ERC1: variants seen among roughly 807,000 people sequenced by gnomAD.
ERC1 encodes the protein RAB6 interacting protein 2.
ERC1 carries 56 observed loss-of-function variants against 132.0 expected under a neutral mutation model. The observed-to-expected ratio is 0.42, with a 90% confidence interval of 0.34 to 0.53. The LOEUF (loss-of-function observed/expected upper bound fraction) is 0.53, where lower values mean the gene tolerates loss of function less well. ERC1 is among the 20% of genes least tolerant of loss of function. ERC1 has a pLI of 0.03. For missense variants in ERC1, 1,202 were observed against 1,349.9 expected, an observed-to-expected ratio of 0.89 and a Z score of 1.72; for synonymous variants, 478 against 476.1, an observed-to-expected ratio of 1.00 and a Z score of -0.05.
chr12:1,074,385 C>G (rs997272666), intron 2 of ERC1, among the ~76,000 whole-genome samples: 9 of 152,044 alleles, frequency 5.9e-5, no homozygotes, highest in African/African-American at 2.2e-4. Context: ...TTGGCATCCT[C>G]CAACTCCTGG....
At chr12:1,263,194 T>C (rs763820826) in intron 14 of ERC1, 29 bp downstream of exon 14, 21 of 1,610,474 alleles carry the variant, frequency 1.3e-5, no homozygotes, top group Non-Finnish European at 1.7e-5. Flanking sequence ...TTCCAAGCAA[T>C]GCTGCTGGTT....
chr12:1,133,885 G>A (rs958945706), intron 7 of ERC1, among the ~76,000 whole-genome samples: 4 of 152,130 alleles, frequency 2.6e-5, no homozygotes, highest in South Asian at 2.1e-4. Context: ...GATTCCATAT[G>A]TAAGTGAGAT....
At chr12:1,196,838 C>CTCTCTCTCTCTCTG (rs1555299913) in intron 12 of ERC1, among the ~76,000 whole-genome samples, 4 of 99,400 alleles carry the variant, frequency 4.0e-5, no homozygotes, top group Admixed American at 9.5e-5. Context: ...CTCTGTCTGT[C>CTCTCTCTCTCTCTG]TCTCTGTCTG....
At chr12:1,112,133 A>G (rs1054024970) in intron 5 of ERC1, 82 bp from the exon 6 acceptor site, 30 of 848,048 alleles carry the variant, frequency 3.5e-5, no homozygotes, top group African/African-American at 8.5e-5. Flanking sequence ...TGTTATTTCT[A>G]GTTACCATTC....
intron 17 of ERC1, among the ~76,000 whole-genome samples, chr12:1,408,489 G>A (rs1426958151): frequency 6.6e-6 from 1 of 152,170 alleles, no homozygotes; most frequent in African/African-American, 2.4e-5. Flanking sequence ...CTTGAATTGG[G>A]TTGAGAAAAA....
chr12:1,450,023 T>C (rs1038309244), intron 18 of ERC1, among the ~76,000 whole-genome samples: 24 of 152,206 alleles, frequency 1.6e-4, no homozygotes, highest in African/African-American at 5.3e-4. Flanking sequence ...AGTATTGGAA[T>C]CTGCCAATAG....
intron 2 of ERC1, among the ~76,000 whole-genome samples, chr12:1,082,095 C>A (rs1285351465): frequency 6.6e-6 from 1 of 151,450 alleles, no homozygotes; most frequent in African/African-American, 2.4e-5. Flanking sequence ...GTGGTGTGAT[C>A]TTGGCTTACT....
chr12:1,420,341 C>G (rs2092371815), intron 17 of ERC1, among the ~76,000 whole-genome samples: 1 of 152,116 alleles, frequency 6.6e-6, no homozygotes, highest in Admixed American at 6.6e-5. Flanking sequence ...CAGAAAAATA[C>G]TCTGAACCAG....
Position 1,170,202 on chromosome 12 carries a change from T to C in ERC1, c.1738-10338T>C, listed in dbSNP as rs561858412. On this transcript the variant is annotated intron_variant, in intron 8 of 18. Coordinates refer to ENST00000360905, the MANE Select transcript of ERC1 (RefSeq NM_178040.4). The stretch of plus-strand genomic sequence containing the variant: ...TATAATAAACAAGTTTTTGTATCCT[T>C]AATTCTCAAGAATATGAATTGTAAT... Among the ~76,000 whole-genome samples, 8 of 152,342 alleles carry C rather than the reference T, an allele frequency of 5.3e-5. No individual in the cohort carries two copies. In the East Asian group the frequency reaches 1.5e-3, roughly 29 times the overall value.
At chr12:1,185,511 CT>C (rs62660960) in intron 11 of ERC1, among the ~76,000 whole-genome samples, 61,794 of 150,630 alleles carry the variant, frequency 0.41, 14,569 homozygotes, top group African/African-American at 0.65. Flanking sequence ...ACTTTTCTTT[CT>C]TTCTTTTCTC....
chr12:1,337,597 T>A (rs2083423205), intron 15 of ERC1, among the ~76,000 whole-genome samples: 1 of 152,210 alleles, frequency 6.6e-6, no homozygotes, highest in African/African-American at 2.4e-5. Flanking sequence ...GTTAGCTGGT[T>A]ATTATGCAGA....
At chr12:1,400,887 T>C (rs2090961806) in intron 16 of ERC1, among the ~76,000 whole-genome samples, 1 of 149,954 alleles carries the variant, frequency 6.7e-6, no homozygotes, top group African/African-American at 2.4e-5. Flanking sequence ...TTTATTCTTC[T>C]CATTCAATAT....
At chr12:1,405,010 T>A (rs1431442672) in intron 16 of ERC1, among the ~76,000 whole-genome samples, 1 of 151,040 alleles carries the variant, frequency 6.6e-6, no homozygotes, top group East Asian at 1.9e-4. Flanking sequence ...CGTGGTGGTG[T>A]GTGCCTCTAA....
intron 15 of ERC1, among the ~76,000 whole-genome samples, chr12:1,320,541 C>T (rs1202829128): frequency 6.6e-6 from 1 of 152,138 alleles, no homozygotes. Context: ...ACATTCAATG[C>T]TACAGAATTT....
intron 2 of ERC1, among the ~76,000 whole-genome samples, chr12:1,030,272 A>G (rs1967764869): frequency 1.3e-5 from 2 of 152,252 alleles, no homozygotes; most frequent in South Asian, 2.1e-4. Flanking sequence ...TTATAAAGAA[A>G]GCAACTGATA....
intron 16 of ERC1, among the ~76,000 whole-genome samples, chr12:1,373,679 C>G (rs2087522898): frequency 6.6e-6 from 1 of 152,124 alleles, no homozygotes; most frequent in South Asian, 2.1e-4. Context: ...ACTTGGGAGG[C>G]TGAGGCAGGA....
intron 18 of ERC1, among the ~76,000 whole-genome samples, chr12:1,476,548 G>A (rs946513200): frequency 6.6e-5 from 10 of 152,180 alleles, no homozygotes; most frequent in Non-Finnish European, 1.3e-4. Context: ...CCCAGTTTTT[G>A]GCTTCACTAC....
chr12:1,154,209 G>GTGTGTATGTGTA (rs1404666204), intron 8 of ERC1, among the ~76,000 whole-genome samples: 1 of 113,296 alleles, frequency 8.8e-6, no homozygotes, highest in African/African-American at 3.1e-5. Flanking sequence ...CATGGTGTGT[G>GTGTGTATGTGTA]TGTGTATGTA....
At chr12:1,066,667 T>C (rs571245565) in intron 2 of ERC1, among the ~76,000 whole-genome samples, 3 of 152,154 alleles carry the variant, frequency 2.0e-5, no homozygotes, top group African/African-American at 7.2e-5. Context: ...TGAAACCTCA[T>C]CTCTACTAAA....
Sources: gnomAD v4.1 joint callset for allele counts (sites outside exome capture counted in the v4.1 genomes callset) on GRCh38, gnomAD v4.1.1 for gene constraint, MANE v1.5 for transcripts, NCBI Gene and HGNC (gene_info 2026-07-23, HGNC 2026-07-21) for gene names.